Variants in MRPS35 observed in about 807,000 individuals in gnomAD.
MRPS35 encodes small ribosomal subunit protein mS35.
In MRPS35, 29 loss-of-function variants were observed where a neutral mutation model predicts 32.7. That is an observed-to-expected ratio of 0.89 (90% CI 0.66 to 1.21). The LOEUF is 1.21. MRPS35 is among the 50% of genes most tolerant of loss of function. The pLI is 0.00. For missense variants in MRPS35, 373 were observed against 383.8 expected (o/e 0.97, Z 0.23); for synonymous variants, 148 against 139.3 (o/e 1.06, Z -0.44).
intron 7 of MRPS35, among the ~76,000 whole-genome samples, chr12:27,744,008 T>A (rs1450782233): frequency 6.6e-6 from 1 of 152,242 alleles, no homozygotes; most frequent in Non-Finnish European, 1.5e-5. Flanking sequence ...TCATTTTTAA[T>A]TCTTCTCTAC....
intron 7 of MRPS35, among the ~76,000 whole-genome samples, chr12:27,749,535 T>C (rs888007102): frequency 6.6e-6 from 1 of 152,232 alleles, no homozygotes; most frequent in Non-Finnish European, 1.5e-5. Context: ...GTGAAACATT[T>C]GGACAGTTGT....
At chr12:27,748,836 T>G (rs890075229) in intron 7 of MRPS35, among the ~76,000 whole-genome samples, 1 of 151,966 alleles carries the variant, frequency 6.6e-6, no homozygotes, top group African/African-American at 2.4e-5. Flanking sequence ...ACTTCAATGC[T>G]GGGTGTGGTT....
At chr12:27,744,981 G>T (rs562947635) in intron 7 of MRPS35, among the ~76,000 whole-genome samples, 1 of 152,118 alleles carries the variant, frequency 6.6e-6, no homozygotes, top group South Asian at 2.1e-4. Flanking sequence ...AGTGAGGCGG[G>T]GTCTCACTCT....
intron 3 of MRPS35, among the ~76,000 whole-genome samples, chr12:27,719,352 C>T (rs752072810): frequency 5.3e-5 from 8 of 152,044 alleles, no homozygotes; most frequent in Admixed American, 1.3e-4. Flanking sequence ...TGACAACATC[C>T]GTGACAGAAA....
chr12:27,721,998 C>A (rs992803748), intron 4 of MRPS35, among the ~76,000 whole-genome samples: 2 of 151,658 alleles, frequency 1.3e-5, no homozygotes, highest in African/African-American at 4.8e-5. Flanking sequence ...CTGAGGTGGA[C>A]GACAGAGTGA....
At chr12:27,738,756 T>TTGTAGAA in intron 7 of MRPS35, among the ~76,000 whole-genome samples, 1 of 152,068 alleles carries the variant, frequency 6.6e-6, no homozygotes, top group African/African-American at 2.4e-5. Flanking sequence ...TGTCAGTGTC[T>TTGTAGAA]ACAGAAACAG....
At position 27,738,816 on chromosome 12, in the gene MRPS35, A is replaced by T. The variant is rs200582993; in HGVS notation, c.702+1208A>T. Among the ~76,000 whole-genome samples, 130 of 152,270 alleles carry T rather than the reference A, an allele frequency of 8.5e-4. 2 individuals are homozygous for T. The highest frequency in any genetic ancestry group is 1.9e-4 in the Non-Finnish European group (13 of 68,010). On this transcript the variant is annotated intron_variant, in intron 7 of 7. Coordinates refer to ENST00000081029, the MANE Select transcript of MRPS35 (RefSeq NM_021821.4). ...AAAAATAGAAAAAATAAAAGTTTTC[A>T]TATGGAAGAGGGCTTACATTTGTTT...
At chr12:27,715,862 A>G (rs1246001108) in intron 2 of MRPS35, among the ~76,000 whole-genome samples, 1 of 152,224 alleles carries the variant, frequency 6.6e-6, no homozygotes, top group African/African-American at 2.4e-5. Context: ...TTATTCAATC[A>G]GTTTAACCCT....
At chr12:27,729,310 G>T (rs1026447563) in intron 5 of MRPS35, among the ~76,000 whole-genome samples, 3 of 152,078 alleles carry the variant, frequency 2.0e-5, no homozygotes, top group African/African-American at 7.3e-5. Context: ...GGACAGTGGT[G>T]TTTACAGACC....
chr12:27,714,580 C>T (rs2061841823), intron 1 of MRPS35, among the ~76,000 whole-genome samples, 200 bp from the exon 2 acceptor site: 1 of 149,604 alleles, frequency 6.7e-6, no homozygotes, highest in African/African-American at 2.5e-5. Context: ...GCCGAGACTC[C>T]CTCTGTTTCC....
chr12:27,750,521 G>C (rs114948149), intron 7 of MRPS35, among the ~76,000 whole-genome samples: 278 of 152,316 alleles, frequency 1.8e-3, no homozygotes, highest in African/African-American at 6.5e-3. Context: ...AATGTGAATT[G>C]GCTGGGCACA....
rs745615277 is a variant in MRPS35, at chr12:27,719,801, A to G, written c.322-7A>G. 76 of 1,574,890 alleles carry G rather than the reference A, an allele frequency of 4.8e-5. 1 individual carries two copies. Among genetic ancestry groups the G allele is most frequent in the Non-Finnish European group, 6.3e-5 (72 of 1,147,100 alleles). On this transcript the variant is annotated splice_region_variant and splice_polypyrimidine_tract_variant and intron_variant, in intron 3 of 7. Coordinates refer to ENST00000081029, the MANE Select transcript of MRPS35 (RefSeq NM_021821.4). ...GCTAATTTATCTTTTAAATTTCTCT[A>G]TTTAAGATTCCCAATTTTCTGCATT...
At chr12:27,714,755 C>T in intron 1 of MRPS35, 25 bp from the exon 2 acceptor site, 1 of 1,577,678 alleles carries the variant, frequency 6.3e-7, no homozygotes, top group Non-Finnish European at 8.7e-7. Flanking sequence ...TTCTCTTTAA[C>T]TACTGTGTTA....
At position 27,716,335 on chromosome 12, in the gene MRPS35, G is replaced by A. The variant is rs2140753264; in HGVS notation, c.198G>A (p.Trp66Ter). 1 of 1,614,038 alleles carries A rather than the reference G, an allele frequency of 6.2e-7. No individual in the cohort carries two copies. Among genetic ancestry groups the A allele is most frequent in the East Asian group, 2.2e-5 (1 of 44,872 alleles). Residue 66 changes from tryptophan (W) to a stop codon, truncating the protein, a stop_gained, in exon 3 of 8, where the codon TGG (tryptophan) becomes TGA (stop). Coordinates refer to ENST00000081029, the MANE Select transcript of MRPS35 (RefSeq NM_021821.4). LOFTEE classifies it high-confidence loss of function. ...RTEKMAVDQD[W>*]PSVYPVAAPF... is the part of the protein sequence containing the mutation. ...AGAAAATGGCTGTTGACCAGGACTG[G>A]CCTAGTGTTTACCCAGTTGCAGCAC...
chr12:27,711,878 T>TTTTTTTTTTTTTTTTTTTTTTTTGAG (rs2061826263), intron 1 of MRPS35, among the ~76,000 whole-genome samples: 22 of 143,788 alleles, frequency 1.5e-4, no homozygotes, highest in South Asian at 6.8e-4. Flanking sequence ...TGTCTATTTT[T>TTTTTTTTTTTTTTTTTTTTTTTTGAG]AAATTTTCAT....
intron 2 of MRPS35, 126 bp from the exon 3 acceptor site, chr12:27,716,165 T>C (rs1251100196): frequency 5.7e-6 from 5 of 879,066 alleles, no homozygotes; most frequent in Non-Finnish European, 8.2e-6. Flanking sequence ...GGAGGTCAGA[T>C]TTTACATATG....
chr12:27,751,138 A>G (rs183025636), intron 7 of MRPS35, among the ~76,000 whole-genome samples: 1 of 150,736 alleles, frequency 6.6e-6, no homozygotes, highest in Non-Finnish European at 1.5e-5. Flanking sequence ...AAAAGAAAAG[A>G]AAAAGGAAAA....
intron 7 of MRPS35, among the ~76,000 whole-genome samples, chr12:27,753,517 T>G (rs2062014512): frequency 6.6e-6 from 1 of 152,152 alleles, no homozygotes; most frequent in Non-Finnish European, 1.5e-5. Context: ...TGGTGCCCAC[T>G]CAGCTCTGCA....
In MRPS35 at chr12:27,720,106, A is replaced by G. The variant is rs559971450; in HGVS notation, c.382+238A>G. ...CTGTTGAGTTTTAGAAAACATGCAC[A>G]TAAGGCTGAGTGTGGTGGCTCATAC... On this transcript the variant is annotated intron_variant, in intron 4 of 7. Transcript: ENST00000081029. Among the ~76,000 whole-genome samples, 11 of 152,226 alleles carry G rather than the reference A, an allele frequency of 7.2e-5. No homozygotes were observed. In the East Asian group the frequency reaches 2.1e-3, roughly 29 times the overall value.
Sources: allele counts gnomAD v4.1 joint callset (sites outside exome capture counted in the v4.1 genomes callset), GRCh38; gene constraint gnomAD v4.1.1; transcripts MANE v1.5; gene names NCBI Gene and HGNC (gene_info 2026-07-23, HGNC 2026-07-21).